Variants in NELL1 observed in about 807,000 individuals in gnomAD.
NELL1 encodes protein kinase C-binding protein NELL1.
Under a neutral mutation model 107.4 loss-of-function variants are expected in NELL1, and 76 were observed. The observed-to-expected ratio is 0.71, with a 90% CI of 0.59 to 0.86. The LOEUF (loss-of-function observed/expected upper bound fraction) is 0.86. Ranked by LOEUF, NELL1 falls within the 40% of genes least tolerant of loss-of-function variation. The pLI, the probability that NELL1 is intolerant of heterozygous loss-of-function variation, is 0.00. For missense variants in NELL1, 1,024 were observed against 1,005.5 expected (o/e 1.02, Z -0.25); for synonymous variants, 353 against 341.2 (o/e 1.03, Z -0.38).
At chr11:21,508,518 G>A (rs1218973431) in intron 15 of NELL1, among the ~76,000 whole-genome samples, 9 of 152,058 alleles carry the variant, frequency 5.9e-5, no homozygotes, top group African/African-American at 1.9e-4. Context: ...ACTTAATGTA[G>A]TTAATATAAA....
chr11:20,870,731 C>T (rs1207736244), intron 4 of NELL1, among the ~76,000 whole-genome samples: 1 of 152,314 alleles, frequency 6.6e-6, no homozygotes, highest in East Asian at 1.9e-4. Context: ...CTATTGAATG[C>T]CTCACATTTA....
intron 13 of NELL1, among the ~76,000 whole-genome samples, chr11:21,225,778 ACAAT>A (rs1857878011): frequency 6.6e-6 from 1 of 152,334 alleles, no homozygotes; most frequent in African/African-American, 2.4e-5. Flanking sequence ...AGCAGCAATG[ACAAT>A]CAAATACCTA....
Position 20,683,526 on chromosome 11 carries a change from C to A in NELL1, c.184+5466C>A, listed in dbSNP as rs193267377. Among the ~76,000 whole-genome samples the A allele has an allele frequency of 1.8e-3, 277 of 152,102 alleles. 1 individual carries two copies. Among genetic ancestry groups the A allele is most frequent in the African/African-American group, 6.2e-3 (258 of 41,512 alleles). On this transcript the variant is annotated intron_variant, in intron 2 of 19. Coordinates refer to ENST00000357134, the MANE Select transcript of NELL1 (RefSeq NM_006157.5). ...TTTCCCATCTGTGTCTGTGCTCTTG[C>A]CGTTTCTGTTTTCTGTGTTCTTTGT...
rs1020487258 is a variant in NELL1 at position 21,564,377 on chromosome 11, C to CA, written c.1980+4003dup. Among the ~76,000 whole-genome samples, 241 of 151,390 alleles carry CA rather than the reference C, an allele frequency of 1.6e-3. 1 individual carries two copies. Among genetic ancestry groups the CA allele is most frequent in the African/African-American group, 5.2e-3 (213 of 41,314 alleles). ...GGTAATGTCTTCCCTATTCTCTGGG[C>CA]AAAAAAAAGCTCCTGAGTAGCATGT... is the stretch of plus-strand genomic sequence containing the variant. On this transcript the variant is annotated intron_variant, in intron 17 of 19. Transcript: ENST00000357134.
chr11:21,451,185 T>TAAAAAAAAAAA (rs35257979), intron 15 of NELL1, among the ~76,000 whole-genome samples: 5 of 101,448 alleles, frequency 4.9e-5, no homozygotes, highest in East Asian at 2.9e-4. Context: ...AGACTCCGTC[T>TAAAAAAAAAAA]AAAAAAAAAA....
At chr11:21,151,484 G>A (rs1046995262) in intron 13 of NELL1, among the ~76,000 whole-genome samples, 3 of 152,078 alleles carry the variant, frequency 2.0e-5, no homozygotes, top group African/African-American at 7.2e-5. Flanking sequence ...GCGTGGTGAC[G>A]TGTGTAAATT....
intron 14 of NELL1, among the ~76,000 whole-genome samples, chr11:21,285,341 A>G (rs763809504): frequency 2.0e-5 from 3 of 152,174 alleles, no homozygotes; most frequent in Non-Finnish European, 4.4e-5. Flanking sequence ...GGTCATTAAC[A>G]TTCAGCAAAC....
At chr11:20,975,895 T>TAC (rs1218773868) in intron 12 of NELL1, among the ~76,000 whole-genome samples, 2 of 119,730 alleles carry the variant, frequency 1.7e-5, no homozygotes, top group Non-Finnish European at 1.7e-5. Context: ...GTATTATATA[T>TAC]ACATATATGT....
chr11:21,563,464 G>A (rs1315713593), intron 17 of NELL1, among the ~76,000 whole-genome samples: 3 of 151,936 alleles, frequency 2.0e-5, no homozygotes, highest in Non-Finnish European at 2.9e-5. Flanking sequence ...AGCATAGTCT[G>A]CCCTCTGTAT....
intron 3 of NELL1, among the ~76,000 whole-genome samples, chr11:20,840,818 A>G (rs1848608141): frequency 6.6e-6 from 1 of 152,216 alleles, no homozygotes; most frequent in Admixed American, 6.5e-5. Context: ...GCATTGTAGA[A>G]GAGTATGCCA....
chr11:21,317,792 T>A (rs968366806), intron 14 of NELL1, among the ~76,000 whole-genome samples: 6 of 152,170 alleles, frequency 3.9e-5, no homozygotes, highest in African/African-American at 1.4e-4. Flanking sequence ...GTTCTGACCC[T>A]GGACAAGGCA....
At chr11:21,326,083 G>GTTTTTTT (rs1850132086) in intron 14 of NELL1, among the ~76,000 whole-genome samples, 1 of 6,624 alleles carries the variant, frequency 1.5e-4, no homozygotes, top group African/African-American at 6.5e-4. Context: ...TTTTTTTTTG[G>GTTTTTTT]GCTATTTTGA....
chr11:21,495,356 G>A (rs966258055), intron 15 of NELL1, among the ~76,000 whole-genome samples: 5 of 151,920 alleles, frequency 3.3e-5, no homozygotes, highest in African/African-American at 9.7e-5. Flanking sequence ...TTTTATGGCC[G>A]AATAATATTC....
At chr11:21,315,909 G>C (rs889599889) in intron 14 of NELL1, among the ~76,000 whole-genome samples, 2 of 151,634 alleles carry the variant, frequency 1.3e-5, no homozygotes, top group African/African-American at 4.8e-5. Context: ...GTGTGTGTGT[G>C]TGTGTGTGTT....
At chr11:21,150,838 C>T (rs1856098525) in intron 13 of NELL1, among the ~76,000 whole-genome samples, 1 of 152,118 alleles carries the variant, frequency 6.6e-6, no homozygotes, top group African/African-American at 2.4e-5. Flanking sequence ...GAGGTTTAAT[C>T]AACTCACATT....
At chr11:21,454,572 A>G (rs1853673362) in intron 15 of NELL1, among the ~76,000 whole-genome samples, 1 of 152,226 alleles carries the variant, frequency 6.6e-6, no homozygotes, top group Non-Finnish European at 1.5e-5. Flanking sequence ...AAAAGTTAAA[A>G]ATGAAAAAGA....
At position 21,506,272 on chromosome 11, in the gene NELL1, C is replaced by T. The variant is rs116377218; in HGVS notation, c.1646-28102C>T. Among the ~76,000 whole-genome samples, 759 of 152,218 alleles carry T rather than the reference C, an allele frequency of 5.0e-3. 5 individuals carry two copies. Among genetic ancestry groups the T allele is most frequent in the African/African-American group, 0.017 (726 of 41,532 alleles). On this transcript the variant is annotated intron_variant, in intron 15 of 19. Transcript: ENST00000357134. ...ACAACCGATCTTGGTGATACAGACC[C>T]GCAGAGTCACAGTTCAGCTGCTGTT...
chr11:21,230,214 A>C (rs1858010080), intron 14 of NELL1, among the ~76,000 whole-genome samples: 1 of 152,182 alleles, frequency 6.6e-6, no homozygotes, highest in African/African-American at 2.4e-5. Flanking sequence ...ACAACCTGAC[A>C]GAACATCACA....
At chr11:21,053,744 C>T (rs1435463080) in intron 12 of NELL1, among the ~76,000 whole-genome samples, 2 of 152,140 alleles carry the variant, frequency 1.3e-5, no homozygotes, top group Non-Finnish European at 2.9e-5. Flanking sequence ...AATTGTCAGG[C>T]CTGGGAAGGT....
Sources: gnomAD v4.1 joint callset for allele counts (sites outside exome capture counted in the v4.1 genomes callset) on GRCh38, gnomAD v4.1.1 for gene constraint, MANE v1.5 for transcripts, NCBI Gene and HGNC (gene_info 2026-07-23, HGNC 2026-07-21) for gene names.